Variants in VPS35L observed in about 807,000 individuals in gnomAD.
The protein encoded by VPS35L is VPS35 endosomal protein-sorting factor-like.
In VPS35L, 83 loss-of-function variants were observed where a neutral mutation model predicts 133.0. That is an observed-to-expected ratio of 0.62 (90% CI 0.52 to 0.75). The LOEUF is 0.75. Among genes scored for constraint, VPS35L ranks in the 30% least tolerant of loss-of-function variants. VPS35L has a pLI of 0.00. For synonymous variants in VPS35L, 423 were observed against 449.9 expected, an observed-to-expected ratio of 0.94 and a Z score of 0.76; for missense variants, 1,083 against 1,206.8, an observed-to-expected ratio of 0.90 and a Z score of 1.52.
At chr16:19,635,711 G>A (rs932666976) in intron 19 of VPS35L, among the ~76,000 whole-genome samples, 3 of 152,034 alleles carry the variant, frequency 2.0e-5, no homozygotes, top group African/African-American at 7.3e-5. Flanking sequence ...AAGGGGTAAG[G>A]GCATGATTCA....
chr16:19,695,734 TTGAG>T (rs1975883894), intron 29 of VPS35L, among the ~76,000 whole-genome samples: 2 of 152,052 alleles, frequency 1.3e-5, no homozygotes, highest in Non-Finnish European at 2.9e-5. Context: ...GGAGGATCGC[TTGAG>T]CCCAGGAGTT....
At chr16:19,647,281 G>A (rs1639477014) in intron 23 of VPS35L, among the ~76,000 whole-genome samples, 1 of 152,210 alleles carries the variant, frequency 6.6e-6, no homozygotes, top group Non-Finnish European at 1.5e-5. Context: ...CATGATAGCT[G>A]TAATGGAAAT....
chr16:19,601,591 A>T (rs1427891494), intron 8 of VPS35L, 73 bp from the exon 9 acceptor site: 1 of 1,469,948 alleles, frequency 6.8e-7, no homozygotes, highest in Non-Finnish European at 9.4e-7. Context: ...CTGGGTCCCT[A>T]ATTAACAAAC....
Position 19,585,021 on chromosome 16 carries a change from A to G in VPS35L, c.639+3368A>G, listed in dbSNP as rs139180878. Among the ~76,000 whole-genome samples the G allele has an allele frequency of 9.5e-4, 144 of 152,102 alleles. 1 individual carries two copies. The East Asian group carries it at 0.014, about 15-fold the overall frequency. On this transcript the variant is annotated intron_variant, in intron 7 of 30. Transcript: ENST00000417362. ...CTTTTGTCCATTTTTTAATTGGATT[A>G]TTTTCTTTAGCATAATATGTTTGAG...
intron 12 of VPS35L, among the ~76,000 whole-genome samples, chr16:19,611,572 C>T (rs926302714): frequency 6.6e-6 from 1 of 152,130 alleles, no homozygotes; most frequent in Non-Finnish European, 1.5e-5. Context: ...GTCGGAAGCC[C>T]TGTGGTCTCT....
chr16:19,690,107 A>T, intron 28 of VPS35L, among the ~76,000 whole-genome samples: 1 of 152,094 alleles, frequency 6.6e-6, no homozygotes, highest in African/African-American at 2.4e-5. Flanking sequence ...GGGTTTTGCT[A>T]TGTTGCTCAG....
chr16:19,582,692 T>C (rs1195962813), intron 7 of VPS35L, among the ~76,000 whole-genome samples: 4 of 152,224 alleles, frequency 2.6e-5, no homozygotes. Flanking sequence ...ATATTTGCAT[T>C]GGCAGCATCT....
At chr16:19,642,679 T>C (rs2304619) in intron 22 of VPS35L, among the ~76,000 whole-genome samples, 31,814 of 152,146 alleles carry the variant, frequency 0.21, 4,003 homozygotes, top group Non-Finnish European at 0.27. Flanking sequence ...ACGTGGCAGA[T>C]GTTGTTAGAA....
chr16:19,666,357 A>G (rs1032303652), intron 26 of VPS35L, among the ~76,000 whole-genome samples: 1 of 152,330 alleles, frequency 6.6e-6, no homozygotes, highest in East Asian at 1.9e-4. Context: ...GCTACAAAAC[A>G]AAGTGTTACA....
chr16:19,627,383 C>T (rs1296485135), intron 15 of VPS35L, among the ~76,000 whole-genome samples: 2 of 152,110 alleles, frequency 1.3e-5, no homozygotes, highest in East Asian at 3.8e-4. Context: ...CTCATTAGTG[C>T]ACCAGCTTAT....
intron 1 of VPS35L, among the ~76,000 whole-genome samples, chr16:19,560,656 CGTG>C (rs943533967): frequency 1.1e-4 from 16 of 152,004 alleles, no homozygotes; most frequent in Non-Finnish European, 1.8e-4. Flanking sequence ...ATTAGCCAGG[CGTG>C]GTGACACACA....
At position 19,647,865 on chromosome 16, in the gene VPS35L, C is replaced by G; in HGVS notation, c.2011C>G (p.Leu671Val). The G allele has an allele frequency of 6.2e-7, 1 of 1,613,376 alleles. No homozygotes were observed. The highest frequency in any genetic ancestry group is 8.5e-7 in the Non-Finnish European group (1 of 1,179,380). The part of the protein sequence containing the change: ...RSMFCNLEPV[L>V]VQLIHSVNRL... ...GATGTTTTGCAATCTGGAGCCTGTTCTTGTGCAGTTGATTCATGTAAGTAT... is the reference window on the plus strand; with the variant it reads ...GATGTTTTGCAATCTGGAGCCTGTTGTTGTGCAGTTGATTCATGTAAGTAT... The change falls in exon 24 of 31, where the codon CTT becomes GTT. Residue 671 changes from leucine to valine, a missense_variant. Coordinates refer to ENST00000417362, the MANE Select transcript of VPS35L (RefSeq NM_020314.7).
chr16:19,569,869 G>A (rs1328260646), intron 3 of VPS35L, among the ~76,000 whole-genome samples: 1 of 151,908 alleles, frequency 6.6e-6, no homozygotes, highest in Non-Finnish European at 1.5e-5. Context: ...GGGTCTTGCT[G>A]TGTTGCCCAG....
chr16:19,680,920 C>G (rs541305681), intron 27 of VPS35L, among the ~76,000 whole-genome samples: 52 of 141,242 alleles, frequency 3.7e-4, no homozygotes, highest in Middle Eastern at 7.2e-3. Context: ...ACCCGCCCCC[C>G]CCCTAAAAAA....
rs760464427 is a variant in VPS35L at position 19,691,423 on chromosome 16, G to A, written c.2598G>A (p.Thr866=). ...FLAENNKLCE[T]VMAQILEHLK... ...CAGAAAACAACAAGCTGTGTGAGACGGTGATGGCTCAGATCCTAGAGCATC... is the reference window on the plus strand; with the variant it reads ...CAGAAAACAACAAGCTGTGTGAGACAGTGATGGCTCAGATCCTAGAGCATC... Residue 866 remains threonine, a synonymous_variant, in exon 29 of 31, where the codon ACG becomes ACA. Transcript: ENST00000417362. 16 of 1,613,904 alleles carry A rather than the reference G, an allele frequency of 9.9e-6. No individual in the cohort carries two copies. The African/African-American group carries it at 1.7e-4, about 18-fold the overall frequency.
chr16:19,572,905 C>G (rs1180161425), intron 3 of VPS35L, among the ~76,000 whole-genome samples: 2 of 152,102 alleles, frequency 1.3e-5, no homozygotes, highest in East Asian at 1.9e-4. Context: ...AAACCCCCGC[C>G]CTTAAGTGAT....
intron 22 of VPS35L, among the ~76,000 whole-genome samples, chr16:19,644,099 T>G (rs1180870766): frequency 6.6e-6 from 1 of 151,820 alleles, no homozygotes; most frequent in African/African-American, 2.4e-5. Context: ...TCTTAAAAAT[T>G]TTTTTTTTAA....
At chr16:19,651,547 A>C (rs1974122376) in intron 25 of VPS35L, among the ~76,000 whole-genome samples, 1 of 152,162 alleles carries the variant, frequency 6.6e-6, no homozygotes, top group Non-Finnish European at 1.5e-5. Flanking sequence ...TGTGTTTTTA[A>C]ACATGAAATT....
intron 9 of VPS35L, among the ~76,000 whole-genome samples, chr16:19,605,569 G>A (rs752341672): frequency 4.6e-5 from 7 of 152,200 alleles, no homozygotes; most frequent in Admixed American, 1.3e-4. Flanking sequence ...ACCATAGTGA[G>A]GTTATACCTA....
Sources: gnomAD v4.1 joint callset for allele counts (sites outside exome capture counted in the v4.1 genomes callset) on GRCh38, gnomAD v4.1.1 for gene constraint, MANE v1.5 for transcripts, NCBI Gene and HGNC (gene_info 2026-07-23, HGNC 2026-07-21) for gene names.